VRK2: variants seen among roughly 807,000 people sequenced by gnomAD.
The protein encoded by VRK2 is serine/threonine-protein kinase VRK2.
In VRK2, 60 loss-of-function variants were observed where a neutral mutation model predicts 57.6. That is an observed-to-expected ratio of 1.04 (90% CI 0.85 to 1.29). The LOEUF is 1.29. Ranked by LOEUF, VRK2 falls within the 50% of genes most tolerant of loss-of-function variation. The pLI is 0.00. For missense variants in VRK2, 705 were observed against 588.1 expected, an observed-to-expected ratio of 1.20 and a Z score of -2.06; for synonymous variants, 231 against 199.2, an observed-to-expected ratio of 1.16 and a Z score of -1.35.
intron 2 of VRK2, among the ~76,000 whole-genome samples, chr2:58,030,523 G>A (rs939289975): frequency 3.9e-5 from 6 of 151,922 alleles, no homozygotes; most frequent in African/African-American, 1.4e-4. Flanking sequence ...TTTGGCTTGG[G>A]CAAAAAAATA....
intron 12 of VRK2, among the ~76,000 whole-genome samples, chr2:58,157,710 A>G (rs1170468572): frequency 6.6e-6 from 1 of 152,344 alleles, no homozygotes; most frequent in East Asian, 1.9e-4. Flanking sequence ...TTTGCTTTCT[A>G]ATACTCGAAG....
At chr2:57,943,696 T>C (rs2103961571) in intron 1 of VRK2, among the ~76,000 whole-genome samples, 1 of 152,322 alleles carries the variant, frequency 6.6e-6, no homozygotes, top group South Asian at 2.1e-4. Context: ...GAAGGAAGCA[T>C]AAGGAGCAGA....
intron 2 of VRK2, among the ~76,000 whole-genome samples, chr2:58,052,012 G>T (rs1022869584): frequency 6.6e-6 from 1 of 152,116 alleles, no homozygotes; most frequent in South Asian, 2.1e-4. Context: ...ATATCAGGAA[G>T]GAGAGAAAAC....
Position 58,131,820 on chromosome 2 carries a change from G to A in VRK2, c.689G>A (p.Arg230Gln), listed in dbSNP as rs912137366. The part of the protein sequence containing the change: ...DAHKGVALSR[R>Q]SDVEILGYCM... ...CTTACTCCTATAGCCTTGTCCAGAC[G>A]AAGTGACGTTGAGATCCTCGGCTAC... Residue 230 changes from arginine to glutamine, a missense_variant, in exon 9 of 13, where the codon CGA becomes CAA. Transcript: ENST00000340157. The A allele has an allele frequency of 2.3e-5, 37 of 1,612,432 alleles. No individual in the cohort carries two copies. Among genetic ancestry groups the A allele is most frequent in the Non-Finnish European group, 3.1e-5 (37 of 1,179,406 alleles).
At chr2:58,134,271 C>G (rs185490582) in intron 9 of VRK2, among the ~76,000 whole-genome samples, 1 of 152,308 alleles carries the variant, frequency 6.6e-6, no homozygotes, top group Non-Finnish European at 1.5e-5. Flanking sequence ...GACCCTCATT[C>G]CAAAGGGGTC....
At chr2:57,991,787 A>T (rs765851132) in intron 1 of VRK2, among the ~76,000 whole-genome samples, 1 of 142,004 alleles carries the variant, frequency 7.0e-6, no homozygotes, top group Admixed American at 6.9e-5. Flanking sequence ...CTCTACTAAA[A>T]ATACAAAAAA....
At chr2:58,082,340 T>A (rs952770215) in intron 2 of VRK2, among the ~76,000 whole-genome samples, 4 of 151,930 alleles carry the variant, frequency 2.6e-5, no homozygotes, top group African/African-American at 9.7e-5. Flanking sequence ...TCTTCTGTAC[T>A]TTTTAGCTCA....
At chr2:58,046,139 C>G (rs1452653344), upstream of VRK2, among the ~76,000 whole-genome samples, 1 of 152,234 alleles carries the variant, frequency 6.6e-6, no homozygotes, top group East Asian at 1.9e-4. Flanking sequence ...GCCACCGCAC[C>G]TGGCCACTAT....
intron 1 of VRK2, among the ~76,000 whole-genome samples, chr2:58,008,041 G>GA (rs1558537678): frequency 6.6e-6 from 1 of 151,750 alleles, no homozygotes; most frequent in African/African-American, 2.4e-5. Context: ...AAAACCACAA[G>GA]AAAAAAACCT....
intron 1 of VRK2, among the ~76,000 whole-genome samples, chr2:58,001,800 C>T (rs150256295): frequency 0.014 from 2,179 of 151,948 alleles, 30 homozygotes; most frequent in Non-Finnish European, 0.021. Flanking sequence ...CCAGCCTGGG[C>T]GACAGAATAA....
intron 7 of VRK2, among the ~76,000 whole-genome samples, chr2:58,099,320 G>C (rs764111982): frequency 6.6e-6 from 1 of 151,974 alleles, no homozygotes; most frequent in Admixed American, 6.6e-5. Context: ...TCTATACTGA[G>C]CTTTTCCTTT....
intron 1 of VRK2, among the ~76,000 whole-genome samples, chr2:57,957,877 C>G (rs13021279): frequency 5.3e-5 from 8 of 152,176 alleles, no homozygotes; most frequent in Admixed American, 5.2e-4. Context: ...AGGAAAGCAC[C>G]TGAAACAATA....
chr2:57,973,256 C>A (rs2104026121), intron 1 of VRK2, among the ~76,000 whole-genome samples: 1 of 151,906 alleles, frequency 6.6e-6, no homozygotes, highest in East Asian at 1.9e-4. Context: ...TGGCGTTTCT[C>A]TTACGGATAA....
chr2:58,055,051 A>ATCCTC, intron 2 of VRK2, among the ~76,000 whole-genome samples: 1 of 152,320 alleles, frequency 6.6e-6, no homozygotes, highest in South Asian at 2.1e-4. Flanking sequence ...GGCCAGAAAC[A>ATCCTC]TCTACAGATG....
In VRK2 at chr2:57,926,998, T is replaced by TGTGTGTG. The variant is rs540927767; in HGVS notation, c.-439+19159_-439+19160insGTGTGTG. ...TTCTCTGGTAATATGTTTTAATTTC[T>TGTGTGTG]TGTGTGTGTGTGTGTGTGTGTGTGT... On this transcript the variant is annotated intron_variant, in intron 1 of 15. Coordinates refer to the VRK2 transcript ENST00000417641. Among the ~76,000 whole-genome samples the TGTGTGTG allele has an allele frequency of 8.4e-3, 1,201 of 142,826 alleles. 11 individuals carry two copies. Among genetic ancestry groups the TGTGTGTG allele is most frequent in the East Asian group, 0.021 (99 of 4,816 alleles). 93.7% of individuals were successfully genotyped at this position (142,826 alleles called of 152,430 possible).
intron 1 of VRK2, among the ~76,000 whole-genome samples, chr2:57,936,831 C>T (rs1450552527): frequency 2.0e-5 from 3 of 152,104 alleles, no homozygotes; most frequent in Non-Finnish European, 4.4e-5. Context: ...TGTTAGTAAT[C>T]CAGCTCTGCA....
intron 12 of VRK2, among the ~76,000 whole-genome samples, chr2:58,148,532 A>G (rs1215778598): frequency 1.3e-5 from 2 of 151,840 alleles, no homozygotes; most frequent in African/African-American, 2.4e-5. Context: ...CAATTTATCA[A>G]TATTTTAATA....
intron 1 of VRK2, among the ~76,000 whole-genome samples, chr2:58,022,125 T>C (rs1673775841): frequency 6.6e-6 from 1 of 152,212 alleles, no homozygotes; most frequent in African/African-American, 2.4e-5. Context: ...GAGGTGAGTT[T>C]CCTAATTATT....
At chr2:58,051,161 T>C (rs1292925290) in intron 2 of VRK2, among the ~76,000 whole-genome samples, 3 of 152,166 alleles carry the variant, frequency 2.0e-5, no homozygotes, top group African/African-American at 7.2e-5. Flanking sequence ...TTTTTTTTTA[T>C]TACCAAAATA....
Sources: allele counts gnomAD v4.1 joint callset (sites outside exome capture counted in the v4.1 genomes callset), GRCh38; gene constraint gnomAD v4.1.1; transcripts MANE v1.5; gene names NCBI Gene and HGNC (gene_info 2026-07-23, HGNC 2026-07-21).